The following NLRP4 variants were observed in gnomAD, a reference collection of about 807,000 sequenced individuals.
NLRP4 encodes the protein NACHT, LRR and PYD domains-containing protein 4.
Under a neutral mutation model 84.7 loss-of-function variants are expected in NLRP4, and 44 were observed. The observed-to-expected ratio is 0.52, with a 90% CI of 0.41 to 0.67. The LOEUF is 0.67. Among genes scored for constraint, NLRP4 ranks in the 30% least tolerant of loss-of-function variants. NLRP4 has a pLI of 0.00. For synonymous variants in NLRP4, 544 were observed against 476.4 expected (o/e 1.14, Z -1.85); for missense variants, 1,260 against 1,219.4 (o/e 1.03, Z -0.50).
intron 2 of NLRP4, among the ~76,000 whole-genome samples, chr19:55,856,497 C>T (rs945674945): frequency 6.7e-6 from 1 of 148,320 alleles, no homozygotes; most frequent in Non-Finnish European, 1.5e-5. Context: ...GCTTGGTCAT[C>T]ACTGTTGCTG....
At chr19:55,865,936 T>G (rs530232207) in intron 5 of NLRP4, among the ~76,000 whole-genome samples, 19 of 152,318 alleles carry the variant, frequency 1.2e-4, no homozygotes, top group Admixed American at 1.2e-3. Context: ...GAGATGCACT[T>G]TATTTTTTTC....
At position 55,849,867 on chromosome 19, in the gene NLRP4, T is replaced by A. The variant is rs1461521830; in HGVS notation, c.-65-2149T>A. On this transcript the variant is annotated intron_variant, in intron 1 of 9. Coordinates refer to ENST00000301295, the MANE Select transcript of NLRP4 (RefSeq NM_134444.5). ...TAATTTCCGAGACTGCGGTGTAATT[T>A]CCGTGGCCGCGGTGTAATTTCCGTG... 4.2e-3 allele frequency among the ~76,000 whole-genome samples: 577 copies of A among 136,564 alleles called. 33 individuals are homozygous for A. Among genetic ancestry groups the A allele is most frequent in the African/African-American group, 0.016 (522 of 32,334 alleles). 89.6% of individuals were successfully genotyped at this position (136,564 alleles called of 152,430 possible). A position where few individuals can be genotyped will look rare whatever the true frequency, so the allele number is the denominator to read the frequency against.
rs763397487 is a variant in NLRP4 at position 55,881,489 on chromosome 19, G to T, written c.2887G>T (p.Asp963Tyr). 3.1e-6 allele frequency: 5 copies of T among 1,595,692 alleles called. No individual in the cohort carries two copies. In the South Asian group the frequency reaches 4.4e-5, roughly 14 times the overall value. Residue 963 changes from aspartate to tyrosine, a missense_variant, in exon 10 of 10, where the codon GAT (aspartate) becomes TAT (tyrosine). Asp to Tyr is a radical substitution (Grantham distance 160, BLOSUM62 -3). Coordinates refer to ENST00000301295, the MANE Select transcript of NLRP4 (RefSeq NM_134444.5). ...TACCAGGCTGAGAAAAACTGATTTT[G>T]ATGAGGAAACCCAGGCACTTCTGAC... ...QVLGLRKTDF[D>Y]EETQALLTAE... is the part of the protein sequence containing the mutation.
At chr19:55,866,109 C>T (rs1048501734) in intron 5 of NLRP4, among the ~76,000 whole-genome samples, 1 of 152,116 alleles carries the variant, frequency 6.6e-6, no homozygotes, top group African/African-American at 2.4e-5. Flanking sequence ...TCTCAGTTCA[C>T]TAAAACCTCC....
chr19:55,866,910 T>G (rs961606807), intron 5 of NLRP4, among the ~76,000 whole-genome samples: 1 of 152,094 alleles, frequency 6.6e-6, no homozygotes, highest in Non-Finnish European at 1.5e-5. Flanking sequence ...TGGATCATGT[T>G]GTATATTTTG....
At chr19:55,851,031 G>A (rs1984105526) in intron 1 of NLRP4, among the ~76,000 whole-genome samples, 2 of 130,888 alleles carry the variant, frequency 1.5e-5, no homozygotes, top group South Asian at 5.0e-4. Flanking sequence ...TGTAATGTCC[G>A]AGGCTGCGGT....
chr19:55,851,037 G>A (rs1163126897), intron 1 of NLRP4, among the ~76,000 whole-genome samples: 20 of 131,934 alleles, frequency 1.5e-4, no homozygotes, highest in Non-Finnish European at 9.2e-5. Context: ...GTCCGAGGCT[G>A]CGGTGTAATG....
At chr19:55,879,483 C>T (rs1985504959) in intron 9 of NLRP4, among the ~76,000 whole-genome samples, 1 of 152,100 alleles carries the variant, frequency 6.6e-6, no homozygotes. Context: ...GAATTTCTGG[C>T]AGCCCCCACC....
At chr19:55,874,620 A>G (rs1267847155) in intron 7 of NLRP4, among the ~76,000 whole-genome samples, 2 of 152,346 alleles carry the variant, frequency 1.3e-5, no homozygotes, top group African/African-American at 2.4e-5. Context: ...ATCTTTTTAT[A>G]TAGAAAATTC....
In NLRP4 at chr19:55,877,089, C is replaced by G; in HGVS notation, c.2619C>G (p.Cys873Trp). 1 of 1,614,096 alleles carries G rather than the reference C, an allele frequency of 6.2e-7. No individual in the cohort carries two copies. Among genetic ancestry groups the G allele is most frequent in the Non-Finnish European group, 8.5e-7 (1 of 1,179,976 alleles). Reference protein sequence around the residue: ...NQNLKILQIGCNEIGDVGVQL... With the variant: ...NQNLKILQIGWNEIGDVGVQL... ...ACCTGAAGATTCTGCAAATTGGGTGCAATGAAATCGGAGATGTGGGTGTGC... is the reference window on the plus strand; with the variant it reads ...ACCTGAAGATTCTGCAAATTGGGTGGAATGAAATCGGAGATGTGGGTGTGC... Residue 873 changes from cysteine (C) to tryptophan (W), a missense_variant, in exon 8 of 10, where the codon TGC becomes TGG. Physicochemically the swap from Cys to Trp is radical, Grantham distance 215. Coordinates refer to ENST00000301295, the MANE Select transcript of NLRP4 (RefSeq NM_134444.5).
chr19:55,867,650 A>G, intron 5 of NLRP4, 59 bp from the exon 6 acceptor site: 1 of 1,495,398 alleles, frequency 6.7e-7, no homozygotes. Context: ...AGGATTGGCA[A>G]GAGGAATGAG....
At chr19:55,855,896 C>A (rs977585478) in intron 2 of NLRP4, among the ~76,000 whole-genome samples, 2 of 152,224 alleles carry the variant, frequency 1.3e-5, no homozygotes, top group Non-Finnish European at 2.9e-5. Flanking sequence ...ATGGGAAGCT[C>A]ACTGTTAGAA....
At chr19:55,855,975 G>A (rs1984394125) in intron 2 of NLRP4, among the ~76,000 whole-genome samples, 1 of 152,326 alleles carries the variant, frequency 6.6e-6, no homozygotes, top group African/African-American at 2.4e-5. Context: ...TGTAGCAGCT[G>A]CTTAAAATCA....
At chr19:55,874,001 A>G (rs1414672839) in intron 7 of NLRP4, among the ~76,000 whole-genome samples, 13 of 152,178 alleles carry the variant, frequency 8.5e-5, no homozygotes, top group Admixed American at 8.5e-4. Context: ...AACCCCCTAA[A>G]GGATGGAAGG....
intron 9 of NLRP4, among the ~76,000 whole-genome samples, chr19:55,880,098 C>T (rs1985530882): frequency 6.6e-6 from 1 of 152,054 alleles, no homozygotes; most frequent in Non-Finnish European, 1.5e-5. Context: ...AGTTATTAGG[C>T]TGTTCATTTC....
At chr19:55,856,376 A>C (rs1984413019) in intron 2 of NLRP4, among the ~76,000 whole-genome samples, 1 of 152,186 alleles carries the variant, frequency 6.6e-6, no homozygotes, top group Non-Finnish European at 1.5e-5. Context: ...CAAAACAGGC[A>C]GAAGATAGAC....
At chr19:55,842,981 G>C (rs1333957856) in intron 1 of NLRP4, among the ~76,000 whole-genome samples, 1 of 151,082 alleles carries the variant, frequency 6.6e-6, no homozygotes, top group Non-Finnish European at 1.5e-5. Flanking sequence ...GGATGGTCTT[G>C]ATCTCCTGAC....
chr19:55,857,528 T>C (rs1216723750), intron 2 of NLRP4, 146 bp from the exon 3 acceptor site: 1 of 655,292 alleles, frequency 1.5e-6, no homozygotes, highest in Non-Finnish European at 2.6e-6. Flanking sequence ...AATGAAACTT[T>C]ATTTACAAGA....
chr19:55,837,268 A>C (rs1238757543), intron 1 of NLRP4, among the ~76,000 whole-genome samples: 1 of 152,098 alleles, frequency 6.6e-6, no homozygotes, highest in Non-Finnish European at 1.5e-5. Flanking sequence ...TCCTATTCTT[A>C]ATACCTGGGA....
Sources: gnomAD v4.1 joint callset for allele counts (sites outside exome capture counted in the v4.1 genomes callset) on GRCh38, gnomAD v4.1.1 for gene constraint, MANE v1.5 for transcripts, NCBI Gene and HGNC (gene_info 2026-07-23, HGNC 2026-07-21) for gene names.